ITPR1: variants seen among roughly 807,000 people sequenced by gnomAD.
ITPR1 encodes the protein inositol 1,4,5-trisphosphate receptor type 1.
In ITPR1, 96 loss-of-function variants were observed where a neutral mutation model predicts 318.4. The observed-to-expected ratio is 0.30, with a 90% confidence interval of 0.26 to 0.36. The LOEUF is 0.36. Among genes scored for constraint, ITPR1 ranks in the 10% least tolerant of loss-of-function variants. ITPR1 has a pLI of 1.00. For missense variants in ITPR1, 2,440 were observed against 3,460.2 expected (o/e 0.71, Z 7.40); for synonymous variants, 1,312 against 1,289.9 (o/e 1.02, Z -0.37).
intron 39 of ITPR1, among the ~76,000 whole-genome samples, chr3:4,712,263 C>T (rs1055328673): frequency 3.3e-5 from 5 of 152,182 alleles, no homozygotes; most frequent in African/African-American, 4.8e-5. Flanking sequence ...TGAGCTGTTG[C>T]GCAATCCTTT....
intron 44 of ITPR1, among the ~76,000 whole-genome samples, chr3:4,765,810 G>T (rs2045781556): frequency 6.6e-6 from 1 of 152,136 alleles, no homozygotes; most frequent in African/African-American, 2.4e-5. Context: ...GTATACTATT[G>T]CTTGCAGAGG....
At chr3:4,664,700 G>T (rs769138723) in intron 16 of ITPR1, among the ~76,000 whole-genome samples, 2 of 152,220 alleles carry the variant, frequency 1.3e-5, no homozygotes, top group African/African-American at 4.8e-5. Flanking sequence ...TTGATTACTT[G>T]TGCTGGGCAC....
intron 4 of ITPR1, among the ~76,000 whole-genome samples, chr3:4,543,972 G>A (rs2084721616): frequency 6.6e-6 from 1 of 152,136 alleles, no homozygotes; most frequent in African/African-American, 2.4e-5. Flanking sequence ...TAGCTGCAGT[G>A]GTTCCAGGCA....
In ITPR1 at chr3:4,684,333, G is replaced by T; in HGVS notation, c.3551G>T (p.Arg1184Ile). The change falls in exon 29 of 62, where the codon AGA becomes ATA. Residue 1184 changes from arginine to isoleucine, a missense_variant. By Grantham distance (97) the Arg-to-Ile change is moderately conservative (BLOSUM62 -3). This residue lies in a region of ITPR1 where 86 missense variants were observed against 75.6 expected (regional missense o/e 1.14). Transcript: ENST00000649015. ...KHESTSSYNYRVVKEILIRLS... is the reference protein window; with the variant it reads ...KHESTSSYNYIVVKEILIRLS... The stretch of plus-strand genomic sequence containing the variant: ...GAAAGCACCAGCAGCTACAACTACA[G>T]AGTGGTCAAAGAGGTAAGCTCCTCC... The T allele has an allele frequency of 6.2e-7, 1 of 1,612,330 alleles. No homozygotes were observed. Among genetic ancestry groups the T allele is most frequent in the Non-Finnish European group, 8.5e-7 (1 of 1,178,802 alleles).
Position 4,710,269 on chromosome 3 carries a change from C to T in ITPR1, c.4843-56C>T. On this transcript the variant is annotated intron_variant, in intron 37 of 61. Coordinates refer to ENST00000649015, the MANE Select transcript of ITPR1 (RefSeq NM_001378452.1). This position sits in a 1 kb window ranked among gnomAD's most constrained non-coding sequence, Gnocchi z 4.2. ...TTAGGGCAGAAATCAATGTCCTCAC[C>T]CTCCTGTGGTCAGCGTCTGCCTGAG... The T allele has an allele frequency of 6.9e-7, 1 of 1,440,944 alleles. No homozygotes were observed. Among genetic ancestry groups the T allele is most frequent in the Non-Finnish European group, 9.2e-7 (1 of 1,085,778 alleles). The allele number at this position is 1,440,944 out of a possible 1,614,324, so 89.3% of individuals were successfully genotyped here. A position where few individuals can be genotyped will look rare whatever the true frequency, so the allele number is the denominator to read the frequency against.
intron 46 of ITPR1, among the ~76,000 whole-genome samples, chr3:4,772,193 G>A (rs2046230937): frequency 6.6e-6 from 1 of 152,240 alleles, no homozygotes; most frequent in Non-Finnish European, 1.5e-5. Flanking sequence ...AACAGGGGGT[G>A]GGTCACTGGG....
At chr3:4,737,890 C>G (rs1299516895) in intron 44 of ITPR1, among the ~76,000 whole-genome samples, 22 of 152,292 alleles carry the variant, frequency 1.4e-4, no homozygotes, top group Non-Finnish European at 4.4e-5. Flanking sequence ...GTTTAAAACT[C>G]CGTGATCGTA....
chr3:4,664,148 A>G (rs1459436928), intron 16 of ITPR1, among the ~76,000 whole-genome samples: 2 of 152,244 alleles, frequency 1.3e-5, no homozygotes, highest in South Asian at 2.1e-4. Context: ...GATTTGGCAT[A>G]TTCTATAAAC....
intron 4 of ITPR1, among the ~76,000 whole-genome samples, chr3:4,597,791 C>A (rs778935116): frequency 1.3e-5 from 2 of 152,312 alleles, no homozygotes; most frequent in Middle Eastern, 3.4e-3. Context: ...TTGTTCATTG[C>A]AGGTAACCTC....
At chr3:4,517,614 A>C (rs1219486846) in intron 3 of ITPR1, among the ~76,000 whole-genome samples, 1 of 152,182 alleles carries the variant, frequency 6.6e-6, no homozygotes, top group Non-Finnish European at 1.5e-5. Flanking sequence ...CTGTAGAGAG[A>C]TTTTGTTTCA....
chr3:4,738,263 A>T (rs1234640501), intron 44 of ITPR1, among the ~76,000 whole-genome samples: 2 of 152,258 alleles, frequency 1.3e-5, no homozygotes, highest in African/African-American at 4.8e-5. Flanking sequence ...GCTTAAAATT[A>T]GTGTGCTTTA....
At chr3:4,499,305 G>A (rs141008434) in intron 2 of ITPR1, among the ~76,000 whole-genome samples, 35 of 152,216 alleles carry the variant, frequency 2.3e-4, no homozygotes, top group African/African-American at 7.7e-4. Flanking sequence ...TAAAATTTAC[G>A]TATATATTTA....
chr3:4,710,784 C>T lies in ITPR1; in HGVS notation c.4991+311C>T, dbSNP rs17041259. ...GGTACAGACATAAAAAAGCCATGAT[C>T]CCTCAGCCCTCAGAAATCTCAGATC... On this transcript the variant is annotated intron_variant, in intron 38 of 61. Transcript: ENST00000649015. The surrounding 1 kb of genome is among the most constrained non-coding windows in gnomAD (Gnocchi z 4.2). Among the ~76,000 whole-genome samples the T allele has an allele frequency of 0.018, 2,721 of 152,308 alleles. 99 individuals are homozygous for T. The highest frequency in any genetic ancestry group is 0.059 in the African/African-American group (2,443 of 41,556).
At chr3:4,558,061 A>G (rs2086308591) in intron 4 of ITPR1, among the ~76,000 whole-genome samples, 1 of 152,160 alleles carries the variant, frequency 6.6e-6, no homozygotes, top group Non-Finnish European at 1.5e-5. Flanking sequence ...CCATTCTCAA[A>G]CCGGCCAACT....
intron 11 of ITPR1, among the ~76,000 whole-genome samples, 162 bp from the exon 12 acceptor site, chr3:4,653,678 TGA>T (rs1488915736): frequency 2.6e-5 from 4 of 152,230 alleles, no homozygotes; most frequent in Non-Finnish European, 5.9e-5. Context: ...TGTACCCATG[TGA>T]CCTGTATCAT....
intron 44 of ITPR1, among the ~76,000 whole-genome samples, chr3:4,746,508 C>G (rs1010576951): frequency 1.3e-5 from 2 of 152,138 alleles, no homozygotes; most frequent in African/African-American, 4.8e-5. Context: ...ATTGAAATGT[C>G]TCCTACTCTA....
chr3:4,755,565 T>C (rs921543614), intron 44 of ITPR1, among the ~76,000 whole-genome samples: 8 of 152,064 alleles, frequency 5.3e-5, no homozygotes, highest in African/African-American at 1.9e-4. Flanking sequence ...ATAGAACAGG[T>C]TGGACTTTGC....
At chr3:4,758,399 C>T (rs571096823) in intron 44 of ITPR1, among the ~76,000 whole-genome samples, 5 of 152,334 alleles carry the variant, frequency 3.3e-5, no homozygotes, top group African/African-American at 7.2e-5. Flanking sequence ...CTATGCTCCC[C>T]GCCACTGCCC....
At chr3:4,521,152 GTGT>G (rs922177612) in intron 4 of ITPR1, 58 bp downstream of exon 4, 2 of 1,152,168 alleles carry the variant, frequency 1.7e-6, no homozygotes, top group African/African-American at 1.5e-5. Context: ...TTCTTGAAGT[GTGT>G]TGTTGGTGTG....
Sources: allele counts gnomAD v4.1 joint callset (sites outside exome capture counted in the v4.1 genomes callset), GRCh38; gene constraint gnomAD v4.1.1; regional missense constraint gnomAD v4.1.1; non-coding constraint Gnocchi (gnomAD v3.1); transcripts MANE v1.5; gene names NCBI Gene and HGNC (gene_info 2026-07-23, HGNC 2026-07-21).